ZMYM4: variants seen among roughly 807,000 people sequenced by gnomAD.
ZMYM4 encodes the protein zinc finger MYM-type containing 4, also known as zinc finger MYM-type protein 4.
In ZMYM4, 31 loss-of-function variants were observed where a neutral mutation model predicts 183.2. The ratio of observed to expected loss-of-function variants is 0.17; its 90% CI spans 0.13 to 0.23. ZMYM4 has a LOEUF of 0.23. Ranked by LOEUF, ZMYM4 falls within the 10% of genes least tolerant of loss-of-function variation. The pLI, the probability that ZMYM4 is intolerant of heterozygous loss-of-function variation, is 1.00. For synonymous variants in ZMYM4, 592 were observed against 631.2 expected, an observed-to-expected ratio of 0.94 and a Z score of 0.93; for missense variants, 1,273 against 1,840.3, an observed-to-expected ratio of 0.69 and a Z score of 5.64.
intron 2 of ZMYM4, among the ~76,000 whole-genome samples, chr1:35,352,014 C>A (rs1643625640): frequency 6.6e-6 from 1 of 152,158 alleles, no homozygotes. Flanking sequence ...AGATTTTCCT[C>A]CTGAACTCAC....
chr1:35,392,122 T>C, intron 15 of ZMYM4, 90 bp from the exon 16 acceptor site: 1 of 1,554,880 alleles, frequency 6.4e-7, no homozygotes, highest in South Asian at 1.1e-5. Context: ...TACTCAAACC[T>C]GAAAACATTG....
intron 1 of ZMYM4, among the ~76,000 whole-genome samples, chr1:35,306,514 T>A (rs1161197813): frequency 4.6e-5 from 7 of 152,200 alleles, no homozygotes; most frequent in Non-Finnish European, 1.0e-4. Context: ...TTTTATTTTT[T>A]AAAATATCCA....
chr1:35,340,285 A>G (rs573167883), intron 2 of ZMYM4, among the ~76,000 whole-genome samples: 1 of 152,232 alleles, frequency 6.6e-6, no homozygotes, highest in African/African-American at 2.4e-5. Flanking sequence ...TCTGTAAAGT[A>G]GCAGTCCCCA....
rs1640331253 is a variant in ZMYM4 at position 35,421,732 on chromosome 1, G to A, written c.*2055G>A. The A allele has an allele frequency of 6.6e-6, 1 of 152,148 alleles. No homozygotes were observed. The highest frequency in any genetic ancestry group is 2.4e-5 in the African/African-American group (1 of 41,438). The allele number at this position is 152,148 out of a possible 1,614,324, so 9.4% of individuals were successfully genotyped here. A position where few individuals can be genotyped will look rare whatever the true frequency, so the allele number is the denominator to read the frequency against. On this transcript the variant is annotated 3_prime_UTR_variant, in exon 30 of 30. Transcript: ENST00000314607. Reference sequence around the variant, plus strand: ...TAATTATTGGTCATTCCTCATAAGTGTAGCTGTTGATGTGTGCGTCTGATT... The same window carrying A: ...TAATTATTGGTCATTCCTCATAAGTATAGCTGTTGATGTGTGCGTCTGATT...
At chr1:35,355,279 C>T (rs2148895585) in intron 2 of ZMYM4, among the ~76,000 whole-genome samples, 1 of 147,920 alleles carries the variant, frequency 6.8e-6, no homozygotes, top group Non-Finnish European at 1.5e-5. Context: ...AATCTCCTGA[C>T]CTCATGATCC....
In ZMYM4 at chr1:35,405,157, A is replaced by G. The variant is rs766042784; in HGVS notation, c.3663A>G (p.Lys1221=). 4 of 1,614,102 alleles carry G rather than the reference A, an allele frequency of 2.5e-6. No individual in the cohort carries two copies. Among genetic ancestry groups the G allele is most frequent in the South Asian group, 1.1e-5 (1 of 91,074 alleles). The change falls in exon 24 of 30, where the codon AAA becomes AAG. Residue 1221 remains lysine (K), a synonymous_variant. Coordinates refer to ENST00000314607, the MANE Select transcript of ZMYM4 (RefSeq NM_005095.3). ...VNAWKNWVQW[K]NAKEEQGDLK... Reference sequence around the variant, plus strand: ...CTTGGAAGAACTGGGTTCAGTGGAAAAATGCCAAGGAAGAGCAGGGGGATC... The same window carrying G: ...CTTGGAAGAACTGGGTTCAGTGGAAGAATGCCAAGGAAGAGCAGGGGGATC...
At chr1:35,410,021 T>G (rs939816792) in intron 26 of ZMYM4, among the ~76,000 whole-genome samples, 1 of 152,058 alleles carries the variant, frequency 6.6e-6, no homozygotes, top group Non-Finnish European at 1.5e-5. Context: ...CATCTGCTTC[T>G]GGTGAGCGCT....
chr1:35,299,591 CA>C lies in ZMYM4; in HGVS notation c.40-25767del, dbSNP rs1266301040. The stretch of plus-strand genomic sequence containing the variant: ...TATGCAAACCTCTGGTTGTGGAAAG[CA>C]ACCAATCAAAGGCTAAAGTGAAGTT... On this transcript the variant is annotated intron_variant, in intron 1 of 29. Coordinates refer to ENST00000314607, the MANE Select transcript of ZMYM4 (RefSeq NM_005095.3). Among the ~76,000 whole-genome samples, 12 of 152,286 alleles carry C rather than the reference CA, an allele frequency of 7.9e-5. 1 individual carries two copies. Among genetic ancestry groups the C allele is most frequent in the Admixed American group, 7.2e-4 (11 of 15,308 alleles).
chr1:35,321,791 A>G (rs892430351), intron 1 of ZMYM4, among the ~76,000 whole-genome samples: 2 of 152,104 alleles, frequency 1.3e-5, no homozygotes, highest in Non-Finnish European at 2.9e-5. Flanking sequence ...TAACTCATGA[A>G]GCTTAGTTGG....
chr1:35,381,803 A>T (rs1644463958), intron 9 of ZMYM4, 45 bp downstream of exon 9: 1 of 1,590,834 alleles, frequency 6.3e-7, no homozygotes, highest in Admixed American at 1.8e-5. Flanking sequence ...CAGTTCAGGT[A>T]ATCTGTATTT....
intron 2 of ZMYM4, among the ~76,000 whole-genome samples, chr1:35,347,063 T>C (rs971699464): frequency 2.0e-5 from 3 of 152,244 alleles, no homozygotes; most frequent in Admixed American, 2.0e-4. Context: ...TGGAGTGCAA[T>C]GGCACTGTCT....
At chr1:35,288,716 T>C (rs1640620398) in intron 1 of ZMYM4, among the ~76,000 whole-genome samples, 1 of 152,076 alleles carries the variant, frequency 6.6e-6, no homozygotes, top group African/African-American at 2.4e-5. Context: ...TGCTGAGCTT[T>C]CAGTTGTCTC....
intron 1 of ZMYM4, among the ~76,000 whole-genome samples, chr1:35,283,326 C>CTTTTTTTTTTTTTT (rs201360397): frequency 1.8e-5 from 1 of 56,732 alleles, no homozygotes; most frequent in African/African-American, 9.5e-5. Context: ...GAAGTGGTAT[C>CTTTTTTTTTTTTTT]TTTTTTTTTT....
At chr1:35,285,311 G>A (rs1640424082) in intron 1 of ZMYM4, among the ~76,000 whole-genome samples, 1 of 152,058 alleles carries the variant, frequency 6.6e-6, no homozygotes. Context: ...TGTGAACATG[G>A]AATGTCTTTC....
rs1258893396 is a variant in ZMYM4 at position 35,381,285 on chromosome 1, T to A, written c.1208T>A (p.Ile403Asn). 6.2e-7 allele frequency: 1 copy of A among 1,609,204 alleles called. No homozygotes were observed. Residue 403 changes from isoleucine to asparagine, a missense_variant, in exon 8 of 30, where the codon ATC (isoleucine) becomes AAC (asparagine). Transcript: ENST00000314607. ...GACATTTTAAATCCAAAGGATGTGA[T>A]CAGTGCCCAGTTTGAAAACACCACC... ...SKDILNPKDV[I>N]SAQFENTTTS...
Position 35,380,314 on chromosome 1 carries a change from TTTTATTTATTTA to T in ZMYM4, c.1182-929_1182-918del, listed in dbSNP as rs546105626. ...TTGGTTTTTATTATTTATTTATTTATTTTATTTATTTATTTATTTATTTATTTTTTTGAGACA... is the reference window on the plus strand; with the variant it reads ...TTGGTTTTTATTATTTATTTATTTATTTTATTTATTTATTTTTTTGAGACA... On this transcript the variant is annotated intron_variant, in intron 7 of 29. Coordinates refer to ENST00000314607, the MANE Select transcript of ZMYM4 (RefSeq NM_005095.3). Among the ~76,000 whole-genome samples the T allele has an allele frequency of 1.7e-3, 253 of 151,302 alleles. 2 individuals carry two copies. Among genetic ancestry groups the T allele is most frequent in the African/African-American group, 5.9e-3 (245 of 41,324 alleles).
At chr1:35,377,957 C>T (rs1644369870) in intron 7 of ZMYM4, among the ~76,000 whole-genome samples, 1 of 152,182 alleles carries the variant, frequency 6.6e-6, no homozygotes, top group African/African-American at 2.4e-5. Context: ...TCTCAGACTC[C>T]ACCATTGCTT....
At chr1:35,322,851 G>A (rs941172903) in intron 1 of ZMYM4, among the ~76,000 whole-genome samples, 4 of 150,780 alleles carry the variant, frequency 2.7e-5, no homozygotes, top group Non-Finnish European at 3.0e-5. Context: ...CACCATGCCC[G>A]GCTAATTTTT....
intron 26 of ZMYM4, 119 bp downstream of exon 26, chr1:35,408,278 A>G (rs565976719): frequency 3.2e-6 from 4 of 1,268,040 alleles, no homozygotes; most frequent in Non-Finnish European, 3.2e-6. Context: ...TCATTGGAAC[A>G]TTGTTTTTAA....
Sources: gnomAD v4.1 joint callset for allele counts (sites outside exome capture counted in the v4.1 genomes callset) on GRCh38, gnomAD v4.1.1 for gene constraint, MANE v1.5 for transcripts, NCBI Gene and HGNC (gene_info 2026-07-23, HGNC 2026-07-21) for gene names.